FLT3: variants seen among roughly 807,000 people sequenced by gnomAD.
FLT3 encodes fms related receptor tyrosine kinase 3, also known as receptor-type tyrosine-protein kinase FLT3.
A neutral mutation model predicts 126.6 loss-of-function variants in FLT3; 46 were observed. That is an observed-to-expected ratio of 0.36 (90% CI 0.29 to 0.46). The LOEUF (loss-of-function observed/expected upper bound fraction) is 0.46. FLT3 is among the 20% of genes least tolerant of loss of function. FLT3 has a pLI of 1.00. For missense variants in FLT3, 1,069 were observed against 1,190.3 expected, an observed-to-expected ratio of 0.90 and a Z score of 1.50; for synonymous variants, 404 against 434.4, an observed-to-expected ratio of 0.93 and a Z score of 0.87.
At chr13:28,021,380 A>C (rs1872370141) in intron 19 of FLT3, among the ~76,000 whole-genome samples, 1 of 152,162 alleles carries the variant, frequency 6.6e-6, no homozygotes, top group South Asian at 2.1e-4. Context: ...ACAGAGCAAG[A>C]CATTGTCTCA....
Position 28,100,124 on chromosome 13 carries a change from G to A in FLT3, c.43+344C>T, listed in dbSNP as rs1879723145. ...TCGCGGCCGCAGACTCCCACGGACG[G>A]CCCAGCACCCGAGCGCGCGGGCCGA... is the stretch of plus-strand genomic sequence containing the variant. On this transcript the variant is annotated intron_variant, in intron 1 of 23. Transcript: ENST00000241453. The surrounding 1 kb of genome is among the most constrained non-coding windows in gnomAD (Gnocchi z 4.8). Among the ~76,000 whole-genome samples the A allele has an allele frequency of 6.6e-6, 1 of 152,148 alleles. No homozygotes were observed. The highest frequency in any genetic ancestry group is 2.1e-4 in the South Asian group (1 of 4,832).
At chr13:28,093,010 A>C (rs895020223) in intron 1 of FLT3, among the ~76,000 whole-genome samples, 4 of 145,406 alleles carry the variant, frequency 2.8e-5, no homozygotes, top group Non-Finnish European at 6.0e-5. Flanking sequence ...CAACCTCCAC[A>C]TCCCAGACTC....
intron 9 of FLT3, among the ~76,000 whole-genome samples, chr13:28,043,677 T>A (rs2137708398): frequency 6.6e-6 from 1 of 152,300 alleles, no homozygotes; most frequent in East Asian, 1.9e-4. Flanking sequence ...TTTGAAACTT[T>A]CTATAATAAA....
intron 20 of FLT3, among the ~76,000 whole-genome samples, chr13:28,017,453 G>A (rs939203086): frequency 8.6e-5 from 13 of 152,006 alleles, no homozygotes; most frequent in South Asian, 2.1e-4. Context: ...TCTTGAACCC[G>A]GGCTCAAGCA....
chr13:28,061,515 C>T (rs1186425820), intron 3 of FLT3, among the ~76,000 whole-genome samples: 2 of 152,038 alleles, frequency 1.3e-5, no homozygotes, highest in East Asian at 1.9e-4. Context: ...CCTGTAATCC[C>T]GGTACTTTTG....
chr13:28,074,580 G>A (rs1877796062), intron 1 of FLT3, among the ~76,000 whole-genome samples: 1 of 152,130 alleles, frequency 6.6e-6, no homozygotes, highest in African/African-American at 2.4e-5. Context: ...TTGGTATGAT[G>A]AGACTTTAAA....
intron 15 of FLT3, among the ~76,000 whole-genome samples, chr13:28,029,880 T>G (rs966749149): frequency 6.6e-6 from 1 of 152,186 alleles, no homozygotes; most frequent in Non-Finnish European, 1.5e-5. Flanking sequence ...TAAGCTGACT[T>G]AGAAGCACAG....
intron 8 of FLT3, among the ~76,000 whole-genome samples, chr13:28,049,043 A>T (rs9513002): frequency 0.95 from 143,993 of 152,232 alleles, 68,628 homozygotes; most frequent in East Asian, 1. Flanking sequence ...TTTATTGTCC[A>T]TTTTGTGTCA....
chr13:28,095,758 G>A (rs1430014994), intron 1 of FLT3, among the ~76,000 whole-genome samples: 4 of 152,184 alleles, frequency 2.6e-5, no homozygotes, highest in Non-Finnish European at 4.4e-5. Flanking sequence ...TTGAATGATA[G>A]GGGTTAGTTA....
rs554987325 is a variant in FLT3, at chr13:28,094,147, G to A, written c.43+6321C>T. On this transcript the variant is annotated intron_variant, in intron 1 of 23. Transcript: ENST00000241453. ...AAGTGCAGAGACATTCTCTGCCACA[G>A]AAAACAGCACGTTTCTTAAATGTGT... 2.6e-5 allele frequency among the ~76,000 whole-genome samples: 4 copies of A among 152,312 alleles called. No homozygotes were observed. In the East Asian group the frequency reaches 7.7e-4, roughly 29 times the overall value.
At chr13:28,038,890 T>C (rs1401263939) in intron 9 of FLT3, among the ~76,000 whole-genome samples, 1 of 152,070 alleles carries the variant, frequency 6.6e-6, no homozygotes, top group African/African-American at 2.4e-5. Context: ...TCTTCAAAGA[T>C]ACCTAAACCG....
intron 19 of FLT3, among the ~76,000 whole-genome samples, chr13:28,021,272 C>A (rs1872361382): frequency 6.6e-6 from 1 of 152,070 alleles, no homozygotes; most frequent in African/African-American, 2.4e-5. Context: ...CACCTGTAAC[C>A]CCAGCTACTT....
chr13:28,082,602 C>T (rs1878404692), intron 1 of FLT3, among the ~76,000 whole-genome samples: 1 of 151,828 alleles, frequency 6.6e-6, no homozygotes, highest in African/African-American at 2.4e-5. Context: ...CTCAAGGGAT[C>T]CTCCAACCTT....
At chr13:28,085,431 G>C (rs1382931978) in intron 1 of FLT3, among the ~76,000 whole-genome samples, 2 of 151,658 alleles carry the variant, frequency 1.3e-5, no homozygotes, top group Admixed American at 6.6e-5. Context: ...TTCCATAAAT[G>C]TGATGTGGTC....
chr13:28,090,980 G>A (rs924224384), intron 1 of FLT3, among the ~76,000 whole-genome samples: 3 of 151,996 alleles, frequency 2.0e-5, no homozygotes, highest in African/African-American at 4.8e-5. Flanking sequence ...TGGGATGGGG[G>A]TGGGGGTAAG....
intron 1 of FLT3, among the ~76,000 whole-genome samples, chr13:28,087,990 C>T (rs1878791661): frequency 6.6e-6 from 1 of 152,086 alleles, no homozygotes; most frequent in African/African-American, 2.4e-5. Flanking sequence ...TTCTGGGTCC[C>T]TTTTGGGTGA....
chr13:28,060,441 T>C (rs2137764086), intron 3 of FLT3, among the ~76,000 whole-genome samples: 1 of 126,284 alleles, frequency 7.9e-6, no homozygotes, highest in South Asian at 2.7e-4. Flanking sequence ...AAAAAATTCT[T>C]AATTGTAAAT....
chr13:28,084,217 T>C (rs2044749391), intron 1 of FLT3, among the ~76,000 whole-genome samples: 1 of 152,058 alleles, frequency 6.6e-6, no homozygotes, highest in African/African-American at 2.4e-5. Context: ...GGTCTTGAAC[T>C]CCTGGCCTCA....
At chr13:28,030,037 G>C (rs1255997894) in intron 15 of FLT3, among the ~76,000 whole-genome samples, 1 of 152,200 alleles carries the variant, frequency 6.6e-6, no homozygotes, top group African/African-American at 2.4e-5. Flanking sequence ...TCTGTGAACA[G>C]ACTTTTTCTT....
Sources: gnomAD v4.1 joint callset for allele counts (sites outside exome capture counted in the v4.1 genomes callset) on GRCh38, gnomAD v4.1.1 for gene constraint, Gnocchi (gnomAD v3.1) non-coding constraint, MANE v1.5 for transcripts, NCBI Gene and HGNC (gene_info 2026-07-23, HGNC 2026-07-21) for gene names.